Variants in LRRC20 observed in about 807,000 individuals in gnomAD.
LRRC20 encodes leucine-rich repeat-containing protein 20.
In LRRC20, 11 loss-of-function variants were observed where a neutral mutation model predicts 14.4. The ratio of observed to expected loss-of-function variants is 0.77; its 90% CI spans 0.48 to 1.27. The LOEUF is 1.27. Ranked by LOEUF, LRRC20 falls within the 50% of genes most tolerant of loss-of-function variation. The pLI, the probability that LRRC20 is intolerant of heterozygous loss-of-function variation, is 0.00. For synonymous variants in LRRC20, 121 were observed against 107.3 expected, an observed-to-expected ratio of 1.13 and a Z score of -0.79; for missense variants, 219 against 251.2, an observed-to-expected ratio of 0.87 and a Z score of 0.87.
chr10:70,301,751 C>T (rs1374183833), intron 4 of LRRC20, among the ~76,000 whole-genome samples: 3 of 152,168 alleles, frequency 2.0e-5, no homozygotes, highest in Admixed American at 1.3e-4. Context: ...AAAAGTTAAA[C>T]GTAGGATTGC....
chr10:70,301,419 C>T lies in LRRC20; in HGVS notation c.490G>A (p.Ala164Thr), dbSNP rs375298297. 20 of 1,612,930 alleles carry T rather than the reference C, an allele frequency of 1.2e-5. No homozygotes were observed. Among genetic ancestry groups the T allele is most frequent in the East Asian group, 8.9e-5 (4 of 44,874 alleles). The change falls in exon 5 of 5, where the codon GCC becomes ACC. Residue 164 changes from alanine (A) to threonine (T), a missense_variant. Coordinates refer to ENST00000446961, the MANE Select transcript of LRRC20 (RefSeq NM_001278212.2). ...ATGTCAAACTTGATGAGCGGCGGGG[C>T]GATCACGCGCACCTCGGCGTTGAGT... is the stretch of plus-strand genomic sequence containing the variant. The part of the protein sequence containing the change: ...NPLNAEVRVI[A>T]PPLIKFDMLM...
chr10:70,338,081 A>T (rs1437957118), intron 3 of LRRC20, among the ~76,000 whole-genome samples: 3 of 152,210 alleles, frequency 2.0e-5, no homozygotes, highest in Non-Finnish European at 2.9e-5. Context: ...CAGACCTGGA[A>T]ATCCTGCTCT....
At chr10:70,307,317 A>G (rs1469995746) in intron 4 of LRRC20, among the ~76,000 whole-genome samples, 1 of 152,240 alleles carries the variant, frequency 6.6e-6, no homozygotes, top group Non-Finnish European at 1.5e-5. Flanking sequence ...ATCTGTCCTT[A>G]GGAGCCAATG....
chr10:70,325,008 G>A (rs970363574), intron 3 of LRRC20, among the ~76,000 whole-genome samples: 42 of 152,194 alleles, frequency 2.8e-4, no homozygotes, highest in African/African-American at 1.0e-3. Context: ...ACAGGGAGAG[G>A]TAGAGGTGAG....
At chr10:70,375,946 A>T (rs755059641) in intron 2 of LRRC20, among the ~76,000 whole-genome samples, 1 of 152,156 alleles carries the variant, frequency 6.6e-6, no homozygotes, top group African/African-American at 2.4e-5. Flanking sequence ...AAAATATATA[A>T]GACACAATTC....
At chr10:70,380,353 C>T (rs1382564804) in intron 1 of LRRC20, among the ~76,000 whole-genome samples, 1 of 152,216 alleles carries the variant, frequency 6.6e-6, no homozygotes, top group Non-Finnish European at 1.5e-5. Flanking sequence ...AATCACCACG[C>T]TTATTAACTA....
chr10:70,377,922 G>C (rs1030922401), intron 1 of LRRC20, among the ~76,000 whole-genome samples: 1 of 152,202 alleles, frequency 6.6e-6, no homozygotes, highest in African/African-American at 2.4e-5. Flanking sequence ...CAGGTCAAAT[G>C]CTCAACACCC....
intron 2 of LRRC20, among the ~76,000 whole-genome samples, chr10:70,372,698 A>T (rs144250273): frequency 0.046 from 7,036 of 151,914 alleles, 268 homozygotes; most frequent in African/African-American, 0.11. Flanking sequence ...CGCCTCGGCC[A>T]CCCAAAGTGC....
chr10:70,328,176 C>A (rs943943653), intron 3 of LRRC20, among the ~76,000 whole-genome samples: 1 of 152,160 alleles, frequency 6.6e-6, no homozygotes, highest in Non-Finnish European at 1.5e-5. Flanking sequence ...GGATGAGCTA[C>A]ACAAGTCACA....
rs151053534 is a variant in LRRC20, at chr10:70,360,784, G to A, written c.82+15668C>T. On this transcript the variant is annotated intron_variant, in intron 2 of 4. Coordinates refer to ENST00000446961, the MANE Select transcript of LRRC20 (RefSeq NM_001278212.2). ...GCTCTGTCAGGGTCCCTATCCCGTT[G>A]TGTCTCACATGAAAGTTGTCAACGT... Among the ~76,000 whole-genome samples, 291 of 152,276 alleles carry A rather than the reference G, an allele frequency of 1.9e-3. 1 individual carries two copies. Among genetic ancestry groups the A allele is most frequent in the African/African-American group, 6.5e-3 (272 of 41,564 alleles).
chr10:70,314,577 G>A (rs535941667), intron 4 of LRRC20, among the ~76,000 whole-genome samples: 5 of 152,228 alleles, frequency 3.3e-5, no homozygotes, highest in South Asian at 2.1e-4. Flanking sequence ...CATGAAGCCC[G>A]AATCCCACCA....
intron 2 of LRRC20, among the ~76,000 whole-genome samples, chr10:70,356,944 G>C (rs1187531408): frequency 6.6e-6 from 1 of 152,126 alleles, no homozygotes; most frequent in African/African-American, 2.4e-5. Context: ...GAAAAGTGGA[G>C]ACAATCCAAA....
At chr10:70,332,894 C>T (rs1842589548) in intron 3 of LRRC20, among the ~76,000 whole-genome samples, 1 of 152,202 alleles carries the variant, frequency 6.6e-6, no homozygotes, top group Non-Finnish European at 1.5e-5. Flanking sequence ...TCCCCACTAT[C>T]CTTTCAATCC....
rs568427431 is a variant in LRRC20 at position 70,334,255 on chromosome 10, C to T, written c.232+6298G>A. ...TGACCGCACAAAGCTTCCATGTCTG[C>T]CCTGCTGTCCCTGCACATTCCTGAG... On this transcript the variant is annotated intron_variant, in intron 3 of 4. Transcript: ENST00000446961. Among the ~76,000 whole-genome samples the T allele has an allele frequency of 4.9e-4, 74 of 152,334 alleles. 1 individual carries two copies. Among genetic ancestry groups the T allele is most frequent in the Middle Eastern group, 3.4e-3 (1 of 294 alleles).
intron 2 of LRRC20, among the ~76,000 whole-genome samples, chr10:70,356,882 C>CAA (rs533054891): frequency 1.3e-5 from 2 of 149,886 alleles, no homozygotes; most frequent in African/African-American, 4.9e-5. Context: ...CAAAGCAAAA[C>CAA]AAAAAAAAAC....
intron 2 of LRRC20, among the ~76,000 whole-genome samples, chr10:70,366,125 A>G (rs541310041): frequency 6.6e-6 from 1 of 151,790 alleles, no homozygotes; most frequent in Non-Finnish European, 1.5e-5. Context: ...CAAGCACATG[A>G]AAAGTTGTAC....
At chr10:70,378,460 T>C (rs577789340) in intron 1 of LRRC20, among the ~76,000 whole-genome samples, 96 of 147,824 alleles carry the variant, frequency 6.5e-4, no homozygotes, top group Middle Eastern at 3.4e-3. Context: ...CTGACCAACA[T>C]GGTAAAACTC....
At chr10:70,341,627 G>A (rs1842916732) in intron 2 of LRRC20, among the ~76,000 whole-genome samples, 1 of 152,068 alleles carries the variant, frequency 6.6e-6, no homozygotes, top group African/African-American at 2.4e-5. Context: ...AATTAGCCGG[G>A]CATGGTGGTA....
intron 2 of LRRC20, among the ~76,000 whole-genome samples, chr10:70,360,920 C>T (rs969117049): frequency 9.2e-5 from 14 of 152,076 alleles, no homozygotes; most frequent in Non-Finnish European, 1.5e-4. Flanking sequence ...TAATGGCACA[C>T]GCCTATAGTC....
Sources: gnomAD v4.1 joint callset for allele counts (sites outside exome capture counted in the v4.1 genomes callset) on GRCh38, gnomAD v4.1.1 for gene constraint, MANE v1.5 for transcripts, NCBI Gene and HGNC (gene_info 2026-07-23, HGNC 2026-07-21) for gene names.